Variants in ESAM observed in about 807,000 individuals in gnomAD.
ESAM encodes endothelial cell-selective adhesion molecule.
ESAM carries 23 observed loss-of-function variants against 31.8 expected under a neutral mutation model. The observed-to-expected ratio is 0.72, with a 90% CI of 0.52 to 1.03. The LOEUF is 1.03. Ranked by LOEUF, ESAM falls within the 50% of genes least tolerant of loss-of-function variation. The pLI is 0.00. For missense variants in ESAM, 478 were observed against 488.9 expected (o/e 0.98, Z 0.21); for synonymous variants, 216 against 207.2 (o/e 1.04, Z -0.37).
chr11:124,761,796 G>C (rs1234101353), intron 1 of ESAM, among the ~76,000 whole-genome samples: 1 of 149,382 alleles, frequency 6.7e-6, no homozygotes, highest in Non-Finnish European at 1.5e-5. Context: ...GGGGTGGGGA[G>C]TGGACAGGGT....
intron 1 of ESAM, among the ~76,000 whole-genome samples, chr11:124,760,427 C>T (rs143001320): frequency 8.9e-4 from 135 of 152,366 alleles, no homozygotes; most frequent in Middle Eastern, 3.4e-3. Context: ...GAAATGGGCC[C>T]GCTCCCCGGG....
At chr11:124,757,388 A>G (rs1382861106) in intron 2 of ESAM, 1 of 152,748 alleles carries the variant, frequency 6.5e-6, no homozygotes, top group Non-Finnish European at 1.5e-5. Context: ...CGAAGACTGC[A>G]CCATTGCATT....
At position 124,754,691 on chromosome 11, in the gene ESAM, T is replaced by G. The variant is rs1408276668; in HGVS notation, c.680A>C (p.His227Pro). The G allele has an allele frequency of 1.9e-6, 3 of 1,614,172 alleles. No homozygotes were observed. The Admixed American group carries it at 5.0e-5, about 27-fold the overall frequency. The change falls in exon 5 of 7, where the codon CAC becomes CCC. Residue 227 changes from histidine (H) to proline (P), a missense_variant. Coordinates refer to ENST00000278927, the MANE Select transcript of ESAM (RefSeq NM_138961.3). The surrounding 1 kb of genome is among the most constrained non-coding windows in gnomAD (Gnocchi z 4.5). The stretch of plus-strand genomic sequence containing the variant: ...ACATTGGGCAGTGCCCACCTCATTG[T>G]GGGCCTTGCAGACATAGACTCCAGC... ...SMAGVYVCKA[H>P]NEVGTAQCNV...
rs1463922594 is a variant in ESAM, at chr11:124,759,492, CT to C, written c.71-966del. 3 of 152,342 alleles carry C rather than the reference CT, an allele frequency of 2.0e-5. No homozygotes were observed. The highest frequency in any genetic ancestry group is 7.2e-5 in the African/African-American group (3 of 41,474). 9.4% of individuals were successfully genotyped at this position (152,342 alleles called of 1,614,324 possible). ...ATCGCCGCTCCAGTCCCGGGCCCTACTCCCTCCAGGCCTCGGCCCTCTGCCT... is the reference window on the plus strand; with the variant it reads ...ATCGCCGCTCCAGTCCCGGGCCCTACCCCTCCAGGCCTCGGCCCTCTGCCT... On this transcript the variant is annotated intron_variant, in intron 1 of 6. Coordinates refer to ENST00000278927, the MANE Select transcript of ESAM (RefSeq NM_138961.3). The surrounding 1 kb of genome is among the most constrained non-coding windows in gnomAD (Gnocchi z 6.8).
Position 124,762,065 on chromosome 11 carries a change from C to T in ESAM, c.70+20G>A. 6.2e-7 allele frequency: 1 copy of T among 1,608,108 alleles called. No homozygotes were observed. Among genetic ancestry groups the T allele is most frequent in the Non-Finnish European group, 8.5e-7 (1 of 1,177,040 alleles). ...CCCATCCCGCATCCCAAGTCCCCTC[C>T]AGGTCCGGGTTTCACTCACCGAGGG... On this transcript the variant is annotated intron_variant, in intron 1 of 6. Transcript: ENST00000278927. The surrounding 1 kb of genome is among the most constrained non-coding windows in gnomAD (Gnocchi z 6.4).
Position 124,753,519 on chromosome 11 carries a change from A to C in ESAM, c.*127T>G, listed in dbSNP as rs193063340. 1.0e-6 allele frequency: 1 copy of C among 976,794 alleles called. No individual in the cohort carries two copies. Among genetic ancestry groups the C allele is most frequent in the Non-Finnish European group, 1.5e-6 (1 of 668,826 alleles). 60.5% of individuals were successfully genotyped at this position (976,794 alleles called of 1,614,324 possible). A position where few individuals can be genotyped will look rare whatever the true frequency, so the allele number is the denominator to read the frequency against. ...CTGAGATGGTTTTCCCACAGTAAAG[A>C]GAGGTGGGGGCAGAGTACTAAGGGT... On this transcript the variant is annotated 3_prime_UTR_variant, in exon 7 of 7. Coordinates refer to ENST00000278927, the MANE Select transcript of ESAM (RefSeq NM_138961.3).
In ESAM at chr11:124,753,898, A is replaced by G; in HGVS notation, c.921T>C (p.Asn307=). The G allele has an allele frequency of 1.2e-6, 2 of 1,614,102 alleles. No homozygotes were observed. Among genetic ancestry groups the G allele is most frequent in the Non-Finnish European group, 1.7e-6 (2 of 1,180,012 alleles). The change falls in exon 7 of 7, where the codon AAT becomes AAC. Residue 307 remains asparagine, a synonymous_variant. Transcript: ENST00000278927. The part of the protein sequence containing the change: ...WPKSSDTISK[N]GTLSSVTSAR... Reference sequence around the variant, plus strand: ...CGGAGGTGACAGAGGAAAGGGTCCCATTCTTGGAGATTGTGTCTGAGCTCT... The same window carrying G: ...CGGAGGTGACAGAGGAAAGGGTCCCGTTCTTGGAGATTGTGTCTGAGCTCT...
intron 2 of ESAM, chr11:124,757,169 C>T (rs1565442157): frequency 5.2e-6 from 1 of 192,310 alleles, no homozygotes; most frequent in Admixed American, 5.5e-5. Flanking sequence ...GGCACGTTGC[C>T]TCATGCCTGT....
intron 4 of ESAM, among the ~76,000 whole-genome samples, chr11:124,755,771 A>G (rs1265832304): frequency 6.6e-5 from 10 of 152,242 alleles, no homozygotes; most frequent in Non-Finnish European, 1.5e-5. Context: ...ACGCCTAGGA[A>G]ATTAATAACG....
rs1944204735 is a variant in ESAM at position 124,759,727 on chromosome 11, G to A, written c.71-1200C>T. Among the ~76,000 whole-genome samples the A allele has an allele frequency of 6.6e-6, 1 of 152,020 alleles. No homozygotes were observed. The highest frequency in any genetic ancestry group is 1.9e-4 in the East Asian group (1 of 5,176). ...CCCCCACCTCTGTTACTTGGCCTTC[G>A]CAGCATCCCCCTTCCCATTTCCTGG... On this transcript the variant is annotated intron_variant, in intron 1 of 6. Transcript: ENST00000278927. This position sits in a 1 kb window ranked among gnomAD's most constrained non-coding sequence, Gnocchi z 6.8.
chr11:124,755,333 C>T (rs1450200358), intron 4 of ESAM, among the ~76,000 whole-genome samples: 3 of 152,024 alleles, frequency 2.0e-5, no homozygotes, highest in Non-Finnish European at 4.4e-5. Context: ...CAGCATGGCA[C>T]ATGTATACAT....
chr11:124,758,277 C>T (rs1017132556), intron 2 of ESAM, 72 bp downstream of exon 2: 22 of 1,586,356 alleles, frequency 1.4e-5, no homozygotes, highest in Middle Eastern at 1.7e-4. Context: ...CCCCTCCCAC[C>T]GCTACCAGCT....
chr11:124,758,245 C>T (rs1362185681), intron 2 of ESAM, 104 bp downstream of exon 2: 40 of 1,363,394 alleles, frequency 2.9e-5, no homozygotes, highest in Admixed American at 9.4e-5. Flanking sequence ...AAACTCCTTC[C>T]CCGGCCCCCA....
Position 124,754,870 on chromosome 11 carries a change from C to T in ESAM, c.608-107G>A, listed in dbSNP as rs1456551679. ...GTCCCCTTTGACCCTCTGGGAGTCACGGCTTGTCTATTCCCTGATGGGGGG... is the reference window on the plus strand; with the variant it reads ...GTCCCCTTTGACCCTCTGGGAGTCATGGCTTGTCTATTCCCTGATGGGGGG... On this transcript the variant is annotated intron_variant, in intron 4 of 6. Coordinates refer to ENST00000278927, the MANE Select transcript of ESAM (RefSeq NM_138961.3). The surrounding 1 kb of genome is among the most constrained non-coding windows in gnomAD (Gnocchi z 4.5). The T allele has an allele frequency of 1.4e-5, 20 of 1,424,452 alleles. No individual in the cohort carries two copies. In the Admixed American group the frequency reaches 1.5e-4, roughly 11 times the overall value. 88.2% of individuals were successfully genotyped at this position (1,424,452 alleles called of 1,614,324 possible).
Position 124,754,887 on chromosome 11 carries a change from G to A in ESAM, c.608-124C>T, listed in dbSNP as rs1035441364. 1.2e-5 allele frequency: 16 copies of A among 1,284,996 alleles called. No homozygotes were observed. The South Asian group carries it at 2.2e-4, about 18-fold the overall frequency. 79.6% of individuals were successfully genotyped at this position (1,284,996 alleles called of 1,614,324 possible). A position where few individuals can be genotyped will look rare whatever the true frequency, so the allele number is the denominator to read the frequency against. On this transcript the variant is annotated intron_variant, in intron 4 of 6. Coordinates refer to ENST00000278927, the MANE Select transcript of ESAM (RefSeq NM_138961.3). This position sits in a 1 kb window ranked among gnomAD's most constrained non-coding sequence, Gnocchi z 4.5. ...GGGAGTCACGGCTTGTCTATTCCCT[G>A]ATGGGGGGAGAGGTGTGACAGCTGG...
rs552170733 is a variant in ESAM at position 124,755,579 on chromosome 11, T to C, written c.607+628A>G. Among the ~76,000 whole-genome samples, 6 of 152,276 alleles carry C rather than the reference T, an allele frequency of 3.9e-5. No homozygotes were observed. The East Asian group carries it at 1.2e-3, about 29-fold the overall frequency. ...AAAGCTACTATTATAAAAATGGTCA[T>C]GTGAAAAGTAGAAAGAGGCAAAATG... On this transcript the variant is annotated intron_variant, in intron 4 of 6. Transcript: ENST00000278927.
chr11:124,758,428 T>C lies in ESAM; in HGVS notation c.170A>G (p.His57Arg). The C allele has an allele frequency of 6.2e-7, 1 of 1,614,092 alleles. No homozygotes were observed. The highest frequency in any genetic ancestry group is 8.5e-7 in the Non-Finnish European group (1 of 1,180,012). ...EVVLPAWYTL[H>R]GEVSSSQPWE... The stretch of plus-strand genomic sequence containing the variant: ...TGGCTGGGATGAAGACACCTCCCCG[T>C]GCAAGGTGTACCACGCTGGAAGCAC... The change falls in exon 2 of 7, where the codon CAC becomes CGC. Residue 57 changes from histidine to arginine, a missense_variant. Physicochemically the swap from His to Arg is conservative, Grantham distance 29 (BLOSUM62 0). Coordinates refer to ENST00000278927, the MANE Select transcript of ESAM (RefSeq NM_138961.3).
In ESAM at chr11:124,754,862, G is replaced by A; in HGVS notation, c.608-99C>T. 6.8e-7 allele frequency: 1 copy of A among 1,463,262 alleles called. No homozygotes were observed. Among genetic ancestry groups the A allele is most frequent in the Non-Finnish European group, 9.1e-7 (1 of 1,096,048 alleles). 90.6% of individuals were successfully genotyped at this position (1,463,262 alleles called of 1,614,324 possible). Reference sequence around the variant, plus strand: ...TCTGGAATGTCCCCTTTGACCCTCTGGGAGTCACGGCTTGTCTATTCCCTG... The same window carrying A: ...TCTGGAATGTCCCCTTTGACCCTCTAGGAGTCACGGCTTGTCTATTCCCTG... On this transcript the variant is annotated intron_variant, in intron 4 of 6. Coordinates refer to ENST00000278927, the MANE Select transcript of ESAM (RefSeq NM_138961.3). This position sits in a 1 kb window ranked among gnomAD's most constrained non-coding sequence, Gnocchi z 4.5.
chr11:124,761,710 G>A (rs1043162258), intron 1 of ESAM, among the ~76,000 whole-genome samples: 3 of 150,682 alleles, frequency 2.0e-5, no homozygotes, highest in South Asian at 4.2e-4. Context: ...GGATGAGAGG[G>A]GGCTAGAGTT....
Sources: gnomAD v4.1 joint callset for allele counts (sites outside exome capture counted in the v4.1 genomes callset) on GRCh38, gnomAD v4.1.1 for gene constraint, Gnocchi (gnomAD v3.1) non-coding constraint, MANE v1.5 for transcripts, NCBI Gene and HGNC (gene_info 2026-07-23, HGNC 2026-07-21) for gene names.